FOCAD: variants seen among roughly 807,000 people sequenced by gnomAD.
FOCAD encodes the protein focadhesin, also known as KIAA1797.
FOCAD carries 198 observed loss-of-function variants against 225.6 expected under a neutral mutation model. That is an observed-to-expected ratio of 0.88 (90% CI 0.78 to 0.99). The LOEUF (loss-of-function observed/expected upper bound fraction) is 0.99, where lower values mean the gene tolerates loss of function less well. FOCAD is among the 50% of genes least tolerant of loss of function. The probability of loss-of-function intolerance (pLI) is 0.00; values close to 1 mark genes in which losing one functional copy is unlikely to be tolerated. For missense variants in FOCAD, 2,713 were observed against 2,123.6 expected (o/e 1.28, Z -5.46); for synonymous variants, 897 against 755.0 (o/e 1.19, Z -3.08).
chr9:20,935,326 A>G (rs895541880), intron 28 of FOCAD, among the ~76,000 whole-genome samples: 7 of 152,304 alleles, frequency 4.6e-5, no homozygotes, highest in African/African-American at 1.7e-4. Flanking sequence ...CTTAGTTTTG[A>G]CTTACGTTTA....
rs1396700603 is a variant in FOCAD, at chr9:20,751,744, CA to C, written c.393-6344del. Among the ~76,000 whole-genome samples the C allele has an allele frequency of 2.7e-5, 4 of 149,026 alleles. No homozygotes were observed. The East Asian group carries it at 7.9e-4, about 29-fold the overall frequency. On this transcript the variant is annotated intron_variant, in intron 5 of 43. Transcript: ENST00000338382. The stretch of plus-strand genomic sequence containing the variant: ...TGAGGAATTGCCACACTGACTTCCA[CA>C]ATGGTTGAACTAGTTTACAGTCCCA...
chr9:20,982,598 C>G lies in FOCAD; in HGVS notation c.4728+152C>G, dbSNP rs1587781438. The G allele has an allele frequency of 4.7e-6, 3 of 637,962 alleles. No individual in the cohort carries two copies. In the East Asian group the frequency reaches 8.4e-5, roughly 18 times the overall value. The allele number at this position is 637,962 out of a possible 1,614,324, so 39.5% of individuals were successfully genotyped here. On this transcript the variant is annotated intron_variant, in intron 39 of 43. Transcript: ENST00000338382. ...ATATTTCATTTACATTGTTGAGCCT[C>G]TTGTTCAGCCTACTAATGTGGTTGG...
At chr9:20,844,184 C>T (rs2131583021) in intron 15 of FOCAD, among the ~76,000 whole-genome samples, 1 of 151,956 alleles carries the variant, frequency 6.6e-6, no homozygotes, top group East Asian at 1.9e-4. Context: ...AAGTAGAAAC[C>T]ACCCAGATGG....
intron 6 of FOCAD, among the ~76,000 whole-genome samples, chr9:20,759,974 G>T (rs1177207475): frequency 6.6e-6 from 1 of 152,134 alleles, no homozygotes; most frequent in Middle Eastern, 3.2e-3. Context: ...TTTCACCAAG[G>T]CCTCCTGATG....
At chr9:20,829,345 G>A (rs1825255072) in intron 15 of FOCAD, among the ~76,000 whole-genome samples, 1 of 151,980 alleles carries the variant, frequency 6.6e-6, no homozygotes, top group Non-Finnish European at 1.5e-5. Context: ...GCATGAGATA[G>A]TATAAACTTG....
intron 18 of FOCAD, chr9:20,872,836 A>T (rs1829912551): frequency 6.6e-6 from 1 of 152,030 alleles, no homozygotes; most frequent in Non-Finnish European, 1.5e-5. Flanking sequence ...CCTCTCCAAG[A>T]CCTAAGCAAC....
At chr9:20,909,569 A>G (rs1433771294) in intron 22 of FOCAD, among the ~76,000 whole-genome samples, 1 of 152,082 alleles carries the variant, frequency 6.6e-6, no homozygotes, top group Admixed American at 6.6e-5. Context: ...TGGTATCTTT[A>G]TTTATCATTT....
At chr9:20,817,135 A>G (rs976877559) in intron 11 of FOCAD, among the ~76,000 whole-genome samples, 10 of 152,198 alleles carry the variant, frequency 6.6e-5, no homozygotes, top group African/African-American at 1.9e-4. Flanking sequence ...AGTTTGTGCT[A>G]TCAAGTAAGT....
chr9:20,766,599 C>A (rs775778558), intron 7 of FOCAD, among the ~76,000 whole-genome samples: 1 of 151,896 alleles, frequency 6.6e-6, no homozygotes, highest in Non-Finnish European at 1.5e-5. Context: ...CATCTGTATC[C>A]TATCTTATTT....
At chr9:20,961,248 T>C (rs1017931007) in intron 35 of FOCAD, among the ~76,000 whole-genome samples, 2 of 151,268 alleles carry the variant, frequency 1.3e-5, no homozygotes, top group Non-Finnish European at 3.0e-5. Flanking sequence ...CGTAAATTCC[T>C]ATGTTATTTA....
At chr9:20,675,693 G>C (rs995457849) in intron 2 of FOCAD, among the ~76,000 whole-genome samples, 1 of 152,170 alleles carries the variant, frequency 6.6e-6, no homozygotes, top group African/African-American at 2.4e-5. Flanking sequence ...AATCATGTTT[G>C]ATCACAGCAG....
At chr9:20,763,515 T>A (rs1351917355) in intron 6 of FOCAD, among the ~76,000 whole-genome samples, 2 of 152,182 alleles carry the variant, frequency 1.3e-5, no homozygotes, top group Non-Finnish European at 2.9e-5. Flanking sequence ...AAAGCACATC[T>A]GATGTGATCT....
chr9:20,981,505 T>A lies in FOCAD; in HGVS notation c.4457T>A (p.Val1486Asp), dbSNP rs774505828. ...HISDEQILGF[V>D]ENLMVAVFKA... ...TCTGATGAACAGATCCTGGGTTTTG[T>A]TGAAAATTTAATGGTGGCAGTTTTT... Residue 1486 changes from valine (V) to aspartate (D), a missense_variant, in exon 38 of 44, where the codon GTT (valine) becomes GAT (aspartate). By Grantham distance (152) the Val-to-Asp change is radical. Transcript: ENST00000338382. 8.7e-6 allele frequency: 14 copies of A among 1,614,048 alleles called. No homozygotes were observed.
intron 35 of FOCAD, among the ~76,000 whole-genome samples, chr9:20,972,565 T>A (rs924102580): frequency 6.6e-6 from 1 of 151,910 alleles, no homozygotes; most frequent in Non-Finnish European, 1.5e-5. Flanking sequence ...TCTTTTTCAG[T>A]TTCTAGTTGT....
At chr9:20,947,435 C>A (rs895407556) in intron 30 of FOCAD, among the ~76,000 whole-genome samples, 6 of 151,974 alleles carry the variant, frequency 3.9e-5, no homozygotes, top group Non-Finnish European at 8.8e-5. Context: ...ACATGAGCTG[C>A]GTAGAGTAGT....
intron 14 of FOCAD, among the ~76,000 whole-genome samples, chr9:20,821,509 A>G (rs1411208693): frequency 6.6e-6 from 1 of 152,104 alleles, no homozygotes; most frequent in Non-Finnish European, 1.5e-5. Flanking sequence ...TAATTATAAC[A>G]AGGAAGAAAA....
In FOCAD at chr9:20,920,817, G is replaced by A. The variant is rs1274392231; in HGVS notation, c.2853-2843G>A. Among the ~76,000 whole-genome samples the A allele has an allele frequency of 1.4e-4, 21 of 150,762 alleles. 1 individual carries two copies. The highest frequency in any genetic ancestry group is 8.6e-4 in the Admixed American group (13 of 15,156). On this transcript the variant is annotated intron_variant, in intron 24 of 43. Transcript: ENST00000338382. ...ATCACACTCTGGGGACTGTTGTGGG[G>A]TGGGGGGAGTGGGGAGGGATAGCAT...
chr9:20,664,472 T>C (rs1348712761), intron 2 of FOCAD, among the ~76,000 whole-genome samples: 3 of 151,606 alleles, frequency 2.0e-5, no homozygotes, highest in Non-Finnish European at 4.4e-5. Context: ...CAAAAACAAG[T>C]AGGGCTTCAT....
chr9:20,971,257 A>G lies in FOCAD; in HGVS notation c.4133-5163A>G, dbSNP rs549634883. Among the ~76,000 whole-genome samples the G allele has an allele frequency of 7.2e-5, 11 of 152,272 alleles. No homozygotes were observed. In the South Asian group the frequency reaches 2.3e-3, roughly 32 times the overall value. On this transcript the variant is annotated intron_variant, in intron 35 of 43. Transcript: ENST00000338382. The stretch of plus-strand genomic sequence containing the variant: ...ATCTCATGTGCCCCATGCCCCATAA[A>G]TATACACACCTACTCTGTAACCACA...
Sources: allele counts gnomAD v4.1 joint callset (sites outside exome capture counted in the v4.1 genomes callset), GRCh38; gene constraint gnomAD v4.1.1; transcripts MANE v1.5; gene names NCBI Gene and HGNC (gene_info 2026-07-23, HGNC 2026-07-21).